Variants in NKAIN3 observed in about 807,000 individuals in gnomAD.
NKAIN3 encodes sodium/potassium transporting ATPase interacting 3.
NKAIN3 carries 25 observed loss-of-function variants against 30.2 expected under a neutral mutation model. The ratio of observed to expected loss-of-function variants is 0.83; its 90% confidence interval spans 0.60 to 1.16. The LOEUF (loss-of-function observed/expected upper bound fraction) is 1.16. NKAIN3 is among the 50% of genes most tolerant of loss of function. The probability of loss-of-function intolerance (pLI) is 0.00; values close to 1 mark genes in which losing one functional copy is unlikely to be tolerated. For missense variants in NKAIN3, 225 were observed against 254.1 expected, an observed-to-expected ratio of 0.89 and a Z score of 0.78; for synonymous variants, 91 against 89.6, an observed-to-expected ratio of 1.02 and a Z score of -0.09.
At chr8:62,887,395 G>T (rs550805486) in intron 4 of NKAIN3, among the ~76,000 whole-genome samples, 70 of 151,970 alleles carry the variant, frequency 4.6e-4, no homozygotes, top group African/African-American at 1.5e-3. Flanking sequence ...GGATCTGTGG[G>T]TTGATATCTG....
chr8:62,397,757 G>A (rs182013991), intron 1 of NKAIN3, among the ~76,000 whole-genome samples: 127 of 152,256 alleles, frequency 8.3e-4, no homozygotes, highest in African/African-American at 2.8e-3. Context: ...TACGGCATCT[G>A]CCAGAAACCT....
At chr8:62,921,429 G>A (rs1822272610) in intron 5 of NKAIN3, among the ~76,000 whole-genome samples, 1 of 152,134 alleles carries the variant, frequency 6.6e-6, no homozygotes, top group Admixed American at 6.5e-5. Flanking sequence ...CCTCTGCACT[G>A]TTAAAGTGGA....
Position 62,513,304 on chromosome 8 carries a change from A to G in NKAIN3, c.55-66235A>G, listed in dbSNP as rs1426466709. Among the ~76,000 whole-genome samples, 12 of 151,438 alleles carry G rather than the reference A, an allele frequency of 7.9e-5. No homozygotes were observed. The Admixed American group carries it at 8.0e-4, about 10-fold the overall frequency. ...CTGCAACTAGATGGACTGAAGCTAAATGCAACTATCTCCGTCAGCAAAATA... is the reference window on the plus strand; with the variant it reads ...CTGCAACTAGATGGACTGAAGCTAAGTGCAACTATCTCCGTCAGCAAAATA... On this transcript the variant is annotated intron_variant, in intron 1 of 6. Coordinates refer to ENST00000623646, the MANE Select transcript of NKAIN3 (RefSeq NM_001304533.3).
intron 3 of NKAIN3, among the ~76,000 whole-genome samples, chr8:62,628,177 A>G (rs955384822): frequency 5.3e-5 from 8 of 152,152 alleles, no homozygotes; most frequent in African/African-American, 1.4e-4. Flanking sequence ...CTATAAAGCC[A>G]TCTTGCACAT....
intron 4 of NKAIN3, among the ~76,000 whole-genome samples, chr8:62,858,505 C>G (rs1438933167): frequency 2.6e-5 from 4 of 152,146 alleles, no homozygotes; most frequent in African/African-American, 9.7e-5. Flanking sequence ...CAGGGCACTT[C>G]ATCCCAGGGA....
At chr8:62,335,448 A>AAAAGAAAGAAAG (rs1243639604) in intron 1 of NKAIN3, among the ~76,000 whole-genome samples, 24 of 150,504 alleles carry the variant, frequency 1.6e-4, no homozygotes, top group African/African-American at 5.7e-4. Flanking sequence ...AAAAAAAAAA[A>AAAAGAAAGAAAG]AAAGAAAGAA....
At chr8:62,810,883 A>G (rs974130239) in intron 4 of NKAIN3, among the ~76,000 whole-genome samples, 3 of 152,138 alleles carry the variant, frequency 2.0e-5, no homozygotes, top group Admixed American at 1.3e-4. Context: ...ATAAAGGAAG[A>G]GCTTGTGTAC....
At chr8:62,653,755 G>T (rs577579490) in intron 3 of NKAIN3, among the ~76,000 whole-genome samples, 21 of 152,208 alleles carry the variant, frequency 1.4e-4, no homozygotes, top group African/African-American at 5.1e-4. Context: ...ATGAAAAAGG[G>T]TCCATCAGCC....
intron 4 of NKAIN3, among the ~76,000 whole-genome samples, chr8:62,796,299 G>A (rs2170112): frequency 0.21 from 29,371 of 143,232 alleles, 3,282 homozygotes; most frequent in East Asian, 0.3. Context: ...CAGGAGAATC[G>A]CTTGAACCTG....
At chr8:62,709,868 C>T (rs1287952897) in intron 3 of NKAIN3, among the ~76,000 whole-genome samples, 2 of 152,034 alleles carry the variant, frequency 1.3e-5, no homozygotes, top group African/African-American at 4.8e-5. Flanking sequence ...GGGCTATGAA[C>T]TTTCCTCTTA....
chr8:62,825,007 C>T (rs1459557523), intron 4 of NKAIN3, among the ~76,000 whole-genome samples: 4 of 152,094 alleles, frequency 2.6e-5, no homozygotes, highest in Non-Finnish European at 5.9e-5. Flanking sequence ...ATGTCAAATG[C>T]AGGGGAGTGG....
intron 3 of NKAIN3, among the ~76,000 whole-genome samples, chr8:62,602,969 C>T (rs1563479190): frequency 6.6e-6 from 1 of 152,062 alleles, no homozygotes. Context: ...GCATCATTAT[C>T]AAGAGAATTT....
intron 1 of NKAIN3, among the ~76,000 whole-genome samples, chr8:62,429,258 C>A (rs1804917687): frequency 1.3e-5 from 2 of 151,696 alleles, no homozygotes; most frequent in Admixed American, 1.3e-4. Flanking sequence ...CATATATGGC[C>A]TTTATTGTTT....
intron 1 of NKAIN3, among the ~76,000 whole-genome samples, chr8:62,257,201 T>C (rs368541961): frequency 2.0e-5 from 3 of 152,196 alleles, no homozygotes; most frequent in African/African-American, 4.8e-5. Context: ...AGAGTCCTTA[T>C]GTTTGTAACC....
intron 1 of NKAIN3, among the ~76,000 whole-genome samples, chr8:62,488,368 T>C (rs1410897350): frequency 6.6e-6 from 1 of 152,204 alleles, no homozygotes; most frequent in East Asian, 1.9e-4. Flanking sequence ...AGGATCTCCA[T>C]GACTTCTTAG....
chr8:62,528,211 A>G (rs969185771), intron 1 of NKAIN3, among the ~76,000 whole-genome samples: 4 of 148,522 alleles, frequency 2.7e-5, no homozygotes, highest in Non-Finnish European at 5.9e-5. Flanking sequence ...GATAGGAACA[A>G]TAGGCACTGG....
chr8:62,682,725 C>T (rs1053098514), intron 3 of NKAIN3, among the ~76,000 whole-genome samples: 1 of 152,058 alleles, frequency 6.6e-6, no homozygotes, highest in African/African-American at 2.4e-5. Flanking sequence ...CCCCACTTCC[C>T]TGGCAACCTG....
In NKAIN3 at chr8:62,671,227, A is replaced by AT. The variant is rs368311506; in HGVS notation, c.274-75695dup. Among the ~76,000 whole-genome samples, 759 of 150,208 alleles carry AT rather than the reference A, an allele frequency of 5.1e-3. 3 individuals carry two copies. Among genetic ancestry groups the AT allele is most frequent in the African/African-American group, 0.016 (662 of 41,058 alleles). On this transcript the variant is annotated intron_variant, in intron 3 of 6. Transcript: ENST00000623646. ...ATCCTACTTCCCTTGATGATTTGAG[A>AT]TTTTTTTTTTGAGAGCCTACATGAC...
At chr8:62,771,447 A>C (rs1817007360) in intron 4 of NKAIN3, among the ~76,000 whole-genome samples, 2 of 152,124 alleles carry the variant, frequency 1.3e-5, no homozygotes, top group Admixed American at 6.5e-5. Context: ...GAAGCATTAA[A>C]CTTGAGAAAC....
Sources: gnomAD v4.1 joint callset for allele counts (sites outside exome capture counted in the v4.1 genomes callset) on GRCh38, gnomAD v4.1.1 for gene constraint, MANE v1.5 for transcripts, NCBI Gene and HGNC (gene_info 2026-07-23, HGNC 2026-07-21) for gene names.